Variants in TMEM132D observed in about 807,000 individuals in gnomAD.
TMEM132D encodes the protein mature OL transmembrane protein.
In TMEM132D, 21 loss-of-function variants were observed where a neutral mutation model predicts 62.3. The observed-to-expected ratio is 0.34, with a 90% CI of 0.24 to 0.49. The LOEUF (loss-of-function observed/expected upper bound fraction) is 0.49, where lower values mean the gene tolerates loss of function less well. Among genes scored for constraint, TMEM132D ranks in the 20% least tolerant of loss-of-function variants. TMEM132D has a pLI of 0.99. For missense variants in TMEM132D, 1,346 were observed against 1,402.8 expected, an observed-to-expected ratio of 0.96 and a Z score of 0.65; for synonymous variants, 621 against 575.6, an observed-to-expected ratio of 1.08 and a Z score of -1.13.
chr12:129,818,044 T>C (rs916396358), intron 1 of TMEM132D, among the ~76,000 whole-genome samples: 4 of 142,684 alleles, frequency 2.8e-5, no homozygotes, highest in African/African-American at 1.1e-4. Context: ...GGTGTGTGTG[T>C]GGTGTGAGAT....
chr12:129,580,769 T>C (rs1427130658), intron 2 of TMEM132D, among the ~76,000 whole-genome samples: 1 of 146,306 alleles, frequency 6.8e-6, no homozygotes, highest in Non-Finnish European at 1.5e-5. Context: ...CACTGTCTGT[T>C]CTGACCTTTA....
intron 4 of TMEM132D, among the ~76,000 whole-genome samples, chr12:129,227,478 T>C (rs1166674673): frequency 2.7e-5 from 4 of 149,658 alleles, no homozygotes; most frequent in Non-Finnish European, 5.9e-5. Flanking sequence ...GAAAGCCACA[T>C]GAATGAGTTT....
At chr12:129,294,750 C>T (rs1881527235) in intron 4 of TMEM132D, among the ~76,000 whole-genome samples, 1 of 152,208 alleles carries the variant, frequency 6.6e-6, no homozygotes, top group African/African-American at 2.4e-5. Flanking sequence ...AATGTTTGCT[C>T]CCATCACCCC....
At chr12:129,285,760 CT>C (rs540187768) in intron 4 of TMEM132D, among the ~76,000 whole-genome samples, 83 of 151,532 alleles carry the variant, frequency 5.5e-4, no homozygotes, top group African/African-American at 1.7e-3. Flanking sequence ...TGAAAAGTAA[CT>C]TTTTTTTTCT....
At chr12:129,457,661 G>A (rs1021100641) in intron 3 of TMEM132D, among the ~76,000 whole-genome samples, 1 of 152,088 alleles carries the variant, frequency 6.6e-6, no homozygotes, top group Non-Finnish European at 1.5e-5. Flanking sequence ...ATGGCTGGGA[G>A]GCCCCAGGAA....
chr12:129,490,236 AC>A (rs1222649947), intron 3 of TMEM132D, among the ~76,000 whole-genome samples: 1 of 152,150 alleles, frequency 6.6e-6, no homozygotes, highest in Non-Finnish European at 1.5e-5. Flanking sequence ...AACAACAACA[AC>A]AAAAAACTCT....
chr12:129,655,773 TA>T (rs1049136807), intron 2 of TMEM132D, among the ~76,000 whole-genome samples: 1 of 152,180 alleles, frequency 6.6e-6, no homozygotes, highest in Admixed American at 6.5e-5. Context: ...AGCATCATCT[TA>T]AAAGAGCCCT....
At chr12:129,378,270 C>T (rs1870841043) in intron 3 of TMEM132D, among the ~76,000 whole-genome samples, 1 of 152,184 alleles carries the variant, frequency 6.6e-6, no homozygotes, top group Non-Finnish European at 1.5e-5. Flanking sequence ...TTTGTAGAGG[C>T]AGGCGAGGCC....
At chr12:129,770,616 A>G (rs1870712807) in intron 1 of TMEM132D, among the ~76,000 whole-genome samples, 1 of 152,212 alleles carries the variant, frequency 6.6e-6, no homozygotes, top group Admixed American at 6.5e-5. Context: ...TACACCCATG[A>G]TAGGGGAAAA....
At chr12:129,895,746 C>T (rs186804542) in intron 1 of TMEM132D, among the ~76,000 whole-genome samples, 13 of 152,044 alleles carry the variant, frequency 8.6e-5, no homozygotes, top group East Asian at 1.9e-4. Flanking sequence ...ATTGGAGTGA[C>T]GTGGCACAGA....
At chr12:129,462,484 T>G (rs1873710786) in intron 3 of TMEM132D, among the ~76,000 whole-genome samples, 1 of 152,186 alleles carries the variant, frequency 6.6e-6, no homozygotes, top group Admixed American at 6.6e-5. Context: ...TTCACATATG[T>G]AAGATAAAAA....
chr12:129,785,766 T>C (rs1336171191), intron 1 of TMEM132D, among the ~76,000 whole-genome samples: 2 of 152,208 alleles, frequency 1.3e-5, no homozygotes, highest in African/African-American at 4.8e-5. Context: ...TATTTTTGTT[T>C]CAGCAGCCTG....
intron 3 of TMEM132D, among the ~76,000 whole-genome samples, chr12:129,350,511 C>A (rs539868370): frequency 6.6e-6 from 1 of 152,184 alleles, no homozygotes; most frequent in Non-Finnish European, 1.5e-5. Context: ...CAGTGACCTC[C>A]GACTCCTGTT....
chr12:129,448,541 G>T (rs1873175708), intron 3 of TMEM132D, among the ~76,000 whole-genome samples: 1 of 152,162 alleles, frequency 6.6e-6, no homozygotes, highest in South Asian at 2.1e-4. Context: ...CCATGTTGCT[G>T]CAAAGGACTT....
At chr12:129,818,304 T>C (rs935355756) in intron 1 of TMEM132D, among the ~76,000 whole-genome samples, 61 of 147,638 alleles carry the variant, frequency 4.1e-4, no homozygotes, top group Middle Eastern at 7.5e-3. Flanking sequence ...GTGTGTGATG[T>C]GTGTGTGTCT....
intron 1 of TMEM132D, among the ~76,000 whole-genome samples, chr12:129,809,490 T>C (rs557415403): frequency 3.6e-4 from 55 of 151,906 alleles, no homozygotes; most frequent in African/African-American, 1.2e-3. Flanking sequence ...GAGACGACTG[T>C]CTGGGCTGGA....
At chr12:129,162,512 G>T (rs920521512) in intron 5 of TMEM132D, among the ~76,000 whole-genome samples, 3 of 152,192 alleles carry the variant, frequency 2.0e-5, no homozygotes, top group African/African-American at 4.8e-5. Context: ...CAGTTTGGAT[G>T]TCCCCTCCAA....
chr12:129,708,172 G>A (rs1200529021), intron 1 of TMEM132D, among the ~76,000 whole-genome samples: 5 of 152,244 alleles, frequency 3.3e-5, no homozygotes, highest in Non-Finnish European at 2.9e-5. Context: ...AGCTGAGATC[G>A]CACCAGTGCA....
intron 2 of TMEM132D, among the ~76,000 whole-genome samples, chr12:129,664,417 A>C (rs1010096207): frequency 4.6e-5 from 6 of 131,160 alleles, no homozygotes; most frequent in African/African-American, 1.7e-4. Context: ...CTACAATTAC[A>C]AGAATTTTTT....
Sources: allele counts gnomAD v4.1 joint callset (sites outside exome capture counted in the v4.1 genomes callset), GRCh38; gene constraint gnomAD v4.1.1; transcripts MANE v1.5; gene names NCBI Gene and HGNC (gene_info 2026-07-23, HGNC 2026-07-21).